The following PPP1R13B variants were observed in gnomAD, a reference collection of about 807,000 sequenced individuals.
The protein encoded by PPP1R13B is protein phosphatase 1 regulatory subunit 13B.
In PPP1R13B, 44 loss-of-function variants were observed where a neutral mutation model predicts 119.8. The observed-to-expected ratio is 0.37, with a 90% confidence interval of 0.29 to 0.47. PPP1R13B has a LOEUF of 0.47. Among genes scored for constraint, PPP1R13B ranks in the 20% least tolerant of loss-of-function variants. The pLI is 0.99. For missense variants in PPP1R13B, 1,227 were observed against 1,413.5 expected, an observed-to-expected ratio of 0.87 and a Z score of 2.12; for synonymous variants, 542 against 561.5, an observed-to-expected ratio of 0.97 and a Z score of 0.49.
At chr14:103,838,543 G>A (rs1292553054) in intron 1 of PPP1R13B, among the ~76,000 whole-genome samples, 1 of 152,118 alleles carries the variant, frequency 6.6e-6, no homozygotes, top group Non-Finnish European at 1.5e-5. Flanking sequence ...TGCATATACT[G>A]AAAACCAATG....
intron 1 of PPP1R13B, among the ~76,000 whole-genome samples, chr14:103,820,271 C>T (rs1444419191): frequency 6.6e-6 from 1 of 152,156 alleles, no homozygotes; most frequent in Non-Finnish European, 1.5e-5. Context: ...GCCCCAGCTC[C>T]ACGAAGTTGA....
intron 1 of PPP1R13B, among the ~76,000 whole-genome samples, chr14:103,821,709 C>A (rs918405267): frequency 6.6e-6 from 1 of 151,946 alleles, no homozygotes; most frequent in Admixed American, 6.6e-5. Flanking sequence ...TGAGATTGCG[C>A]CATTGCACTC....
At chr14:103,778,961 G>GA in intron 3 of PPP1R13B, 140 bp from the exon 4 acceptor site, 1 of 677,982 alleles carries the variant, frequency 1.5e-6, no homozygotes. Flanking sequence ...TAGTACAGTT[G>GA]AAAAAATGGT....
At position 103,786,909 on chromosome 14, in the gene PPP1R13B, T is replaced by C. The variant is rs57638436; in HGVS notation, c.158-1995A>G. On this transcript the variant is annotated intron_variant, in intron 2 of 16. Transcript: ENST00000202556. ...TTTTAGTAGAGATGGGGTTTCACCA[T>C]GTTGGTCAGGTTGGTCTCGAACTCC... 7.3e-5 allele frequency among the ~76,000 whole-genome samples: 11 copies of C among 150,454 alleles called. No homozygotes were observed. The East Asian group carries it at 2.1e-3, about 28-fold the overall frequency.
chr14:103,797,439 T>C lies in PPP1R13B; in HGVS notation c.89A>G (p.Asp30Gly). Reference protein sequence around the residue: ...VPITPETTCRDVVEFCKEPGE... With the variant: ...VPITPETTCRGVVEFCKEPGE... ...AGGTTCCTTGCAAAATTCTACAACA[T>C]CTCGACAGGTTGTTTCCGGTGTTAT... Residue 30 changes from aspartate to glycine, a missense_variant, in exon 2 of 17, where the codon GAT becomes GGT. By Grantham distance (94) the Asp-to-Gly change is moderately conservative. Transcript: ENST00000202556. 1 of 1,614,028 alleles carries C rather than the reference T, an allele frequency of 6.2e-7. No individual in the cohort carries two copies.
intron 1 of PPP1R13B, among the ~76,000 whole-genome samples, chr14:103,799,728 G>A (rs2085854256): frequency 6.6e-6 from 1 of 151,004 alleles, no homozygotes; most frequent in East Asian, 1.9e-4. Context: ...AACAATGAAA[G>A]AGATACTTTA....
At chr14:103,752,833 T>C (rs1567095248) in intron 7 of PPP1R13B, among the ~76,000 whole-genome samples, 167 bp downstream of exon 7, 1 of 152,224 alleles carries the variant, frequency 6.6e-6, no homozygotes, top group East Asian at 1.9e-4. Flanking sequence ...GCACCCGGCC[T>C]ATCCCAAGTC....
intron 1 of PPP1R13B, chr14:103,818,588 G>A: frequency 1.5e-6 from 1 of 686,212 alleles, no homozygotes; most frequent in Middle Eastern, 7.4e-4. Flanking sequence ...CAACTGGGAT[G>A]GCCTTCAGAT....
intron 1 of PPP1R13B, among the ~76,000 whole-genome samples, chr14:103,813,232 T>TA (rs11362801): frequency 0.081 from 11,855 of 147,224 alleles, 501 homozygotes; most frequent in Middle Eastern, 0.12. Flanking sequence ...TCAGCAATGT[T>TA]AAAAAAAAAA....
Position 103,795,705 on chromosome 14 carries a change from C to G in PPP1R13B, c.157+1666G>C, listed in dbSNP as rs1243340656. 2.0e-5 allele frequency among the ~76,000 whole-genome samples: 3 copies of G among 152,208 alleles called. No individual in the cohort carries two copies. In the East Asian group the frequency reaches 5.8e-4, roughly 29 times the overall value. On this transcript the variant is annotated intron_variant, in intron 2 of 16. Coordinates refer to ENST00000202556, the MANE Select transcript of PPP1R13B (RefSeq NM_015316.3). ...GGGAATGAATGATCAGGCTCTAACA[C>G]TGCTCCCCTTAAAAACGTTAATTAC...
At position 103,814,177 on chromosome 14, in the gene PPP1R13B, C is replaced by T. The variant is rs182297758; in HGVS notation, c.10-16659G>A. Among the ~76,000 whole-genome samples the T allele has an allele frequency of 3.7e-3, 556 of 152,106 alleles. 5 individuals carry two copies. Among genetic ancestry groups the T allele is most frequent in the African/African-American group, 0.013 (538 of 41,464 alleles). On this transcript the variant is annotated intron_variant, in intron 1 of 16. Transcript: ENST00000202556. ...CAGCCTGGCCAACATGGTGAAACCC[C>T]GTCTCTACTAAAAATACAAATATTA...
intron 9 of PPP1R13B, among the ~76,000 whole-genome samples, chr14:103,745,434 T>A (rs2084361981): frequency 6.6e-6 from 1 of 152,264 alleles, no homozygotes; most frequent in South Asian, 2.1e-4. Flanking sequence ...GGATTCCTGA[T>A]GCTGTGTGTT....
intron 8 of PPP1R13B, among the ~76,000 whole-genome samples, chr14:103,748,306 A>C (rs1217516896): frequency 1.3e-5 from 2 of 152,212 alleles, no homozygotes; most frequent in Non-Finnish European, 2.9e-5. Flanking sequence ...ACTGATCTTT[A>C]AACTCACTGT....
At chr14:103,839,627 C>A (rs376780443) in intron 1 of PPP1R13B, among the ~76,000 whole-genome samples, 40 of 135,066 alleles carry the variant, frequency 3.0e-4, no homozygotes, top group South Asian at 2.5e-4. Context: ...AACTCTGCCT[C>A]AAAAAAAAAA....
upstream of PPP1R13B, chr14:103,848,252 C>T: frequency 3.0e-6 from 3 of 985,414 alleles, no homozygotes; most frequent in East Asian, 1.1e-4. Flanking sequence ...CCCGCGCCCA[C>T]CTGTGCCACC....
chr14:103,847,124 GC>G (rs1220129429), intron 1 of PPP1R13B, 174 bp downstream of exon 1: 10 of 982,104 alleles, frequency 1.0e-5, no homozygotes, highest in Non-Finnish European at 1.2e-5. Flanking sequence ...GCCCGGCGCC[GC>G]CCCCACCTGC....
chr14:103,756,498 T>C (rs1567098375), intron 5 of PPP1R13B, among the ~76,000 whole-genome samples: 1 of 152,224 alleles, frequency 6.6e-6, no homozygotes, highest in Non-Finnish European at 1.5e-5. Context: ...TTAGAAAGAT[T>C]CGAGTTTCAA....
chr14:103,828,847 C>T (rs533169268), intron 1 of PPP1R13B, among the ~76,000 whole-genome samples: 44 of 152,326 alleles, frequency 2.9e-4, no homozygotes. Context: ...ACTTGACATT[C>T]AAAGAACCAT....
At chr14:103,838,215 C>T (rs551224419) in intron 1 of PPP1R13B, among the ~76,000 whole-genome samples, 109 of 113,082 alleles carry the variant, frequency 9.6e-4, no homozygotes, top group African/African-American at 2.9e-3. Context: ...TTATGGCACA[C>T]ACACACACAC....
Sources: gnomAD v4.1 joint callset for allele counts (sites outside exome capture counted in the v4.1 genomes callset) on GRCh38, gnomAD v4.1.1 for gene constraint, MANE v1.5 for transcripts, NCBI Gene and HGNC (gene_info 2026-07-23, HGNC 2026-07-21) for gene names.